AGBL1: variants seen among roughly 807,000 people sequenced by gnomAD.
The protein encoded by AGBL1 is AGBL carboxypeptidase 1.
Under a neutral mutation model 118.9 loss-of-function variants are expected in AGBL1, and 130 were observed. The ratio of observed to expected loss-of-function variants is 1.09; its 90% confidence interval spans 0.95 to 1.26. AGBL1 has a LOEUF of 1.26. Ranked by LOEUF, AGBL1 falls within the 50% of genes most tolerant of loss-of-function variation. The probability of loss-of-function intolerance (pLI) is 0.00; values close to 1 mark genes in which losing one functional copy is unlikely to be tolerated. For synonymous variants in AGBL1, 555 were observed against 478.9 expected, an observed-to-expected ratio of 1.16 and a Z score of -2.08; for missense variants, 1,584 against 1,298.1, an observed-to-expected ratio of 1.22 and a Z score of -3.38.
intron 23 of AGBL1, among the ~76,000 whole-genome samples, chr15:86,950,608 A>G (rs1467091310): frequency 1.3e-5 from 2 of 151,686 alleles, no homozygotes. Context: ...AAGATATTTT[A>G]TTTACTATTA....
At chr15:87,014,903 T>TA (rs2081594873) in intron 24 of AGBL1, among the ~76,000 whole-genome samples, 1 of 152,160 alleles carries the variant, frequency 6.6e-6, no homozygotes, top group Non-Finnish European at 1.5e-5. Context: ...GCTGCCTAGA[T>TA]GGCTGGTGAA....
intron 22 of AGBL1, among the ~76,000 whole-genome samples, chr15:86,871,729 C>T (rs1158280108): frequency 2.0e-5 from 3 of 152,170 alleles, no homozygotes; most frequent in African/African-American, 4.8e-5. Context: ...CCTTCACGCT[C>T]TTCAAAATAA....
chr15:86,145,354 AC>A (rs1037214198), intron 3 of AGBL1, among the ~76,000 whole-genome samples: 7 of 152,174 alleles, frequency 4.6e-5, no homozygotes, highest in Non-Finnish European at 7.4e-5. Context: ...ACCAAGGAAA[AC>A]CCTGAAACAT....
At position 86,541,730 on chromosome 15, in the gene AGBL1, G is replaced by A. The variant is rs545513165; in HGVS notation, c.2686-4272G>A. 9.9e-5 allele frequency among the ~76,000 whole-genome samples: 15 copies of A among 151,920 alleles called. No homozygotes were observed. In the South Asian group the frequency reaches 3.1e-3, roughly 32 times the overall value. Reference sequence around the variant, plus strand: ...TAACTGAGGAGACTAGCTTTCCCCTGCTGGAAAATTCTGTAATAACATCAC... The same window carrying A: ...TAACTGAGGAGACTAGCTTTCCCCTACTGGAAAATTCTGTAATAACATCAC... On this transcript the variant is annotated intron_variant, in intron 19 of 22. Transcript: ENST00000614907.
At position 86,203,076 on chromosome 15, in the gene AGBL1, C is replaced by T. The variant is rs533911744; in HGVS notation, c.489-21838C>T. ...TCCAGCCTGAGTGACAAAAAGAAAT[C>T]TGTCTCTGAAAATAAAAAGAATAAT... On this transcript the variant is annotated intron_variant, in intron 5 of 22. Transcript: ENST00000614907. Among the ~76,000 whole-genome samples the T allele has an allele frequency of 1.6e-4, 25 of 152,032 alleles. No homozygotes were observed. The South Asian group carries it at 4.8e-3, about 29-fold the overall frequency.
intron 17 of AGBL1, among the ~76,000 whole-genome samples, chr15:86,357,573 T>A (rs1056013468): frequency 6.6e-6 from 1 of 152,200 alleles, no homozygotes; most frequent in South Asian, 2.1e-4. Flanking sequence ...GTTAGCAAAG[T>A]CTAACTTACC....
chr15:86,751,869 G>C (rs1212013156), intron 22 of AGBL1, among the ~76,000 whole-genome samples: 1 of 152,040 alleles, frequency 6.6e-6, no homozygotes. Context: ...CAATGGTAAA[G>C]CCCTTTTAGG....
chr15:86,656,927 G>T (rs1010676665), intron 21 of AGBL1, among the ~76,000 whole-genome samples: 3 of 152,128 alleles, frequency 2.0e-5, no homozygotes, highest in Admixed American at 2.0e-4. Context: ...CACAGATTTG[G>T]TTTCTCTGCT....
intron 18 of AGBL1, among the ~76,000 whole-genome samples, chr15:86,467,324 C>G (rs1045471352): frequency 1.3e-5 from 2 of 152,216 alleles, no homozygotes; most frequent in African/African-American, 4.8e-5. Flanking sequence ...CTCCTCCCCC[C>G]ACCAAGCTTG....
chr15:86,668,358 A>G (rs932325173), intron 21 of AGBL1, among the ~76,000 whole-genome samples: 37 of 152,162 alleles, frequency 2.4e-4, no homozygotes, highest in African/African-American at 8.4e-4. Flanking sequence ...ATGAATTTTA[A>G]TCTCAATAGT....
intron 24 of AGBL1, among the ~76,000 whole-genome samples, chr15:86,997,107 A>C (rs1046880327): frequency 2.6e-5 from 4 of 152,304 alleles, no homozygotes; most frequent in Admixed American, 6.5e-5. Flanking sequence ...CCAAGTATGC[A>C]TCTATGAATA....
At chr15:87,023,914 A>G (rs1445568212) in intron 24 of AGBL1, among the ~76,000 whole-genome samples, 1 of 152,116 alleles carries the variant, frequency 6.6e-6, no homozygotes. Flanking sequence ...CAAAATGAAA[A>G]TTAAAAAATT....
At chr15:86,115,732 G>A (rs921811352) in intron 1 of AGBL1, among the ~76,000 whole-genome samples, 1 of 152,138 alleles carries the variant, frequency 6.6e-6, no homozygotes, top group African/African-American at 2.4e-5. Flanking sequence ...TCTCTTCTCT[G>A]TGTACTTTCC....
chr15:86,095,262 C>A (rs1224455599), intron 1 of AGBL1, among the ~76,000 whole-genome samples: 2 of 152,118 alleles, frequency 1.3e-5, no homozygotes, highest in African/African-American at 4.8e-5. Context: ...ATTGCATAGG[C>A]CTGACTGATT....
chr15:86,683,365 C>G (rs2085996224), intron 22 of AGBL1, among the ~76,000 whole-genome samples: 1 of 152,064 alleles, frequency 6.6e-6, no homozygotes, highest in Non-Finnish European at 1.5e-5. Flanking sequence ...TGTTGTAACC[C>G]ATGGTGAATT....
chr15:86,313,202 T>C (rs1461193288), intron 17 of AGBL1, among the ~76,000 whole-genome samples: 2 of 152,196 alleles, frequency 1.3e-5, no homozygotes, highest in Non-Finnish European at 2.9e-5. Context: ...TTGCAGGACT[T>C]ATTTCTTTGA....
chr15:86,265,371 T>C (rs553349048), intron 11 of AGBL1, among the ~76,000 whole-genome samples: 36 of 152,102 alleles, frequency 2.4e-4, no homozygotes, highest in Non-Finnish European at 4.3e-4. Flanking sequence ...AGAGAAATTC[T>C]CCAGGGAAGA....
At chr15:86,974,878 T>C (rs2081157530) in intron 23 of AGBL1, among the ~76,000 whole-genome samples, 1 of 151,902 alleles carries the variant, frequency 6.6e-6, no homozygotes, top group Non-Finnish European at 1.5e-5. Flanking sequence ...ACCACACTTC[T>C]GGGTGATTAT....
At chr15:86,903,367 C>T in intron 22 of AGBL1, among the ~76,000 whole-genome samples, 1 of 151,684 alleles carries the variant, frequency 6.6e-6, no homozygotes, top group East Asian at 1.9e-4. Context: ...TTTATTTTCC[C>T]TACCTTTTTT....
Sources: allele counts gnomAD v4.1 joint callset (sites outside exome capture counted in the v4.1 genomes callset), GRCh38; gene constraint gnomAD v4.1.1; transcripts MANE v1.5; gene names NCBI Gene and HGNC (gene_info 2026-07-23, HGNC 2026-07-21).